Variants in PTPRD observed in about 807,000 individuals in gnomAD.
PTPRD encodes receptor-type tyrosine-protein phosphatase delta.
PTPRD carries 34 observed loss-of-function variants against 214.5 expected under a neutral mutation model. That is an observed-to-expected ratio of 0.16 (90% CI 0.12 to 0.21). The LOEUF is 0.21. PTPRD is among the 10% of genes least tolerant of loss of function. The pLI is 1.00. For synonymous variants in PTPRD, 1,128 were observed against 845.7 expected, an observed-to-expected ratio of 1.33 and a Z score of -5.79; for missense variants, 2,545 against 2,398.7, an observed-to-expected ratio of 1.06 and a Z score of -1.27.
At chr9:10,304,598 A>G (rs79057251) in intron 3 of PTPRD, among the ~76,000 whole-genome samples, 1 of 152,134 alleles carries the variant, frequency 6.6e-6, no homozygotes, top group South Asian at 2.1e-4. Flanking sequence ...AAAAATCACA[A>G]GGATCCCTAT....
intron 5 of PTPRD, among the ~76,000 whole-genome samples, chr9:9,825,155 C>A (rs1011806001): frequency 2.0e-5 from 3 of 151,376 alleles, no homozygotes; most frequent in African/African-American, 7.3e-5. Flanking sequence ...AGACAATTCC[C>A]CTATCTGCCA....
Position 9,307,544 on chromosome 9 carries a change from T to C in PTPRD, c.-203+89905A>G, listed in dbSNP as rs188037484. ...TCCAATCAGTGGCTGTGCTGTTATA[T>C]CACTAATCTCATGTCTTTGCCTTTT... On this transcript the variant is annotated intron_variant, in intron 9 of 45. Coordinates refer to ENST00000381196, the MANE Select transcript of PTPRD (RefSeq NM_002839.4). 1.4e-3 allele frequency among the ~76,000 whole-genome samples: 212 copies of C among 152,280 alleles called. 1 individual carries two copies. Among genetic ancestry groups the C allele is most frequent in the African/African-American group, 4.5e-3 (185 of 41,562 alleles).
chr9:9,834,236 C>A (rs1340084947), intron 5 of PTPRD, among the ~76,000 whole-genome samples: 1 of 152,178 alleles, frequency 6.6e-6, no homozygotes, highest in African/African-American at 2.4e-5. Flanking sequence ...CTTCCCACAA[C>A]AGGGTTCTAA....
intron 3 of PTPRD, among the ~76,000 whole-genome samples, chr9:10,300,915 A>C (rs1239365238): frequency 6.6e-6 from 1 of 152,102 alleles, no homozygotes; most frequent in African/African-American, 2.4e-5. Flanking sequence ...TCGAGCTCTG[A>C]TAAGGGTCAG....
At chr9:9,530,610 T>C (rs183407323) in intron 8 of PTPRD, among the ~76,000 whole-genome samples, 2 of 152,256 alleles carry the variant, frequency 1.3e-5, no homozygotes, top group Admixed American at 6.5e-5. Context: ...ATAGCAAAGA[T>C]ACAGAATTGA....
intron 11 of PTPRD, among the ~76,000 whole-genome samples, chr9:8,917,756 T>C (rs1256678503): frequency 6.6e-6 from 1 of 152,200 alleles, no homozygotes; most frequent in Non-Finnish European, 1.5e-5. Flanking sequence ...TGTGTTGCAC[T>C]GCTTTATTCC....
chr9:8,655,803 G>A (rs1476066850), intron 12 of PTPRD, among the ~76,000 whole-genome samples: 1 of 146,920 alleles, frequency 6.8e-6, no homozygotes, highest in Non-Finnish European at 1.5e-5. Flanking sequence ...TGTATCTTTG[G>A]CAGCACTTGC....
intron 11 of PTPRD, among the ~76,000 whole-genome samples, chr9:8,878,293 G>A (rs548392699): frequency 3.3e-5 from 5 of 152,076 alleles, no homozygotes; most frequent in Non-Finnish European, 7.4e-5. Flanking sequence ...GACAATACTT[G>A]GAGGGAAATA....
chr9:9,261,647 C>CGTGTGTGT (rs5896314), intron 9 of PTPRD, among the ~76,000 whole-genome samples: 336 of 148,188 alleles, frequency 2.3e-3, no homozygotes, highest in South Asian at 3.2e-3. Flanking sequence ...TGTGCATGCA[C>CGTGTGTGT]GTGTGTGTGT....
intron 12 of PTPRD, among the ~76,000 whole-genome samples, chr9:8,693,182 C>T (rs1169419478): frequency 2.0e-5 from 3 of 152,190 alleles, no homozygotes; most frequent in Non-Finnish European, 4.4e-5. Context: ...CACTGTCTCT[C>T]AGTCCACCAC....
chr9:9,682,093 C>T (rs994468534), intron 7 of PTPRD, among the ~76,000 whole-genome samples: 19 of 151,862 alleles, frequency 1.3e-4, no homozygotes, highest in Admixed American at 6.6e-4. Flanking sequence ...TTGCCAGCCC[C>T]TGGAAAACAG....
chr9:8,781,323 T>G (rs2095687212), intron 11 of PTPRD, among the ~76,000 whole-genome samples: 1 of 152,224 alleles, frequency 6.6e-6, no homozygotes, highest in Non-Finnish European at 1.5e-5. Context: ...AAGCTGTCTC[T>G]GAAGCCTGTG....
rs1033549948 is a variant in PTPRD at position 9,330,407 on chromosome 9, G to A, written c.-203+67042C>T. 7.9e-5 allele frequency among the ~76,000 whole-genome samples: 12 copies of A among 152,146 alleles called. No homozygotes were observed. In the East Asian group the frequency reaches 2.3e-3, roughly 29 times the overall value. On this transcript the variant is annotated intron_variant, in intron 9 of 45. Transcript: ENST00000381196. ...TTAAAATAAGGTTATCTTCAATTAA[G>A]TCAAGTACAGTAACCTTTGGGATTT... is the stretch of plus-strand genomic sequence containing the variant.
intron 3 of PTPRD, among the ~76,000 whole-genome samples, chr9:10,224,868 T>C (rs946069893): frequency 1.8e-4 from 28 of 152,200 alleles, no homozygotes; most frequent in Non-Finnish European, 2.9e-4. Context: ...CTTATGATTT[T>C]CTTAATAACA....
intron 7 of PTPRD, among the ~76,000 whole-genome samples, chr9:9,586,991 A>G (rs2092083501): frequency 6.6e-6 from 1 of 151,962 alleles, no homozygotes; most frequent in Admixed American, 6.6e-5. Context: ...CTCTCCTGTG[A>G]TGTTGAATTA....
intron 23 of PTPRD, among the ~76,000 whole-genome samples, chr9:8,501,650 G>T (rs763102935): frequency 6.6e-6 from 1 of 152,118 alleles, no homozygotes; most frequent in Non-Finnish European, 1.5e-5. Flanking sequence ...CTGAAAAACT[G>T]AGTTTGCCTG....
intron 9 of PTPRD, among the ~76,000 whole-genome samples, chr9:9,286,399 T>A (rs930916656): frequency 2.6e-5 from 4 of 151,870 alleles, no homozygotes; most frequent in Admixed American, 1.3e-4. Context: ...CCTTCATAGT[T>A]TTGCTACTAC....
intron 7 of PTPRD, among the ~76,000 whole-genome samples, chr9:9,582,265 G>A (rs1445224665): frequency 6.6e-6 from 1 of 152,130 alleles, no homozygotes; most frequent in Non-Finnish European, 1.5e-5. Flanking sequence ...CGTTGGGTAA[G>A]CAAAGTCTAA....
intron 2 of PTPRD, among the ~76,000 whole-genome samples, chr9:10,549,816 AT>A (rs5896402): frequency 9.2e-5 from 14 of 151,868 alleles, no homozygotes; most frequent in East Asian, 3.9e-4. Flanking sequence ...TTTTAAAAAG[AT>A]TTTTTTTTAA....
Sources: allele counts gnomAD v4.1 joint callset (sites outside exome capture counted in the v4.1 genomes callset), GRCh38; gene constraint gnomAD v4.1.1; transcripts MANE v1.5; gene names NCBI Gene and HGNC (gene_info 2026-07-23, HGNC 2026-07-21).